Variants in PCDHGB2 observed in about 807,000 individuals in gnomAD.
PCDHGB2 encodes protocadherin gamma subfamily B, 2.
Under a neutral mutation model 59.3 loss-of-function variants are expected in PCDHGB2, and 55 were observed. That is an observed-to-expected ratio of 0.93 (90% CI 0.75 to 1.16). The LOEUF is 1.16. Ranked by LOEUF, PCDHGB2 falls within the 50% of genes most tolerant of loss-of-function variation. The pLI, the probability that PCDHGB2 is intolerant of heterozygous loss-of-function variation, is 0.00. For synonymous variants in PCDHGB2, 516 were observed against 512.0 expected (o/e 1.01, Z -0.11); for missense variants, 1,228 against 1,198.5 (o/e 1.02, Z -0.36).
chr5:141,363,969 G>T (rs1161441825), intron 1 of PCDHGB2, among the ~76,000 whole-genome samples: 14 of 152,250 alleles, frequency 9.2e-5, no homozygotes, highest in East Asian at 1.9e-4. Context: ...TGGAAGTCTT[G>T]CTATTCAGAA....
rs768812729 is a variant in PCDHGB2, at chr5:141,491,543, A to T, written c.2422-3264A>T. 2.5e-6 allele frequency: 4 copies of T among 1,613,842 alleles called. No individual in the cohort carries two copies. The highest frequency in any genetic ancestry group is 3.4e-6 in the Non-Finnish European group (4 of 1,179,982). The stretch of plus-strand genomic sequence containing the variant: ...ATGGAGGTGACGCTGCGGCCCACAG[A>T]CTCGCAGAGCCACTGCTACAGGACG... On this transcript the variant is annotated intron_variant, in intron 1 of 3. Transcript: ENST00000522605. This position sits in a 1 kb window ranked among gnomAD's most constrained non-coding sequence, Gnocchi z 6.9.
At chr5:141,433,401 A>ATCTATCTATCTC (rs1444244130) in intron 1 of PCDHGB2, among the ~76,000 whole-genome samples, 15 of 150,598 alleles carry the variant, frequency 1.0e-4, no homozygotes, top group African/African-American at 3.4e-4. Flanking sequence ...CTATCTATCT[A>ATCTATCTATCTC]TCTATTACTT....
At chr5:141,395,034 G>A (rs772873954) in intron 1 of PCDHGB2, 21 of 1,614,032 alleles carry the variant, frequency 1.3e-5, no homozygotes, top group African/African-American at 5.3e-5. Context: ...CTCACATTTT[G>A]TGGGTGTTGA....
At chr5:141,374,731 T>G in intron 1 of PCDHGB2, 1 of 1,610,684 alleles carries the variant, frequency 6.2e-7, no homozygotes, top group Non-Finnish European at 8.5e-7. Flanking sequence ...CTGCCATGGA[T>G]GGCGGCGACC....
chr5:141,427,905 A>G (rs754321006), intron 1 of PCDHGB2: 1 of 1,574,682 alleles, frequency 6.4e-7, no homozygotes, highest in South Asian at 1.1e-5. Context: ...GCCCGCGCTC[A>G]GCGCCAACAT....
Position 141,486,058 on chromosome 5 carries a change from G to A in PCDHGB2, c.2422-8749G>A. On this transcript the variant is annotated intron_variant, in intron 1 of 3. Transcript: ENST00000522605. The surrounding 1 kb of genome is among the most constrained non-coding windows in gnomAD (Gnocchi z 5.0). The stretch of plus-strand genomic sequence containing the variant: ...ATCGTGTAAGAAACCTCTTTAGCCT[G>A]CACCCCACTACTGGAAAGCTTACTC... The A allele has an allele frequency of 6.2e-7, 1 of 1,614,122 alleles. No homozygotes were observed. The highest frequency in any genetic ancestry group is 8.5e-7 in the Non-Finnish European group (1 of 1,180,012).
intron 1 of PCDHGB2, among the ~76,000 whole-genome samples, chr5:141,492,574 G>T (rs2099742096): frequency 6.6e-6 from 1 of 152,232 alleles, no homozygotes; most frequent in Non-Finnish European, 1.5e-5. Flanking sequence ...TGAGCGAGGC[G>T]CGGGGCCAGG....
chr5:141,432,586 C>G lies in PCDHGB2; in HGVS notation c.2422-62221C>G. 6.2e-7 allele frequency: 1 copy of G among 1,613,852 alleles called. No homozygotes were observed. The highest frequency in any genetic ancestry group is 8.5e-7 in the Non-Finnish European group (1 of 1,179,972). On this transcript the variant is annotated intron_variant, in intron 1 of 3. Transcript: ENST00000522605. The surrounding 1 kb of genome is among the most constrained non-coding windows in gnomAD (Gnocchi z 6.0). ...ACGCCTGGCTGTCCTACCGTCTGCT[C>G]AAGGCCAGCGAGCCGGGACTCTTCT...
intron 1 of PCDHGB2, among the ~76,000 whole-genome samples, chr5:141,469,189 T>C (rs1393685141): frequency 2.6e-5 from 4 of 151,710 alleles, no homozygotes; most frequent in African/African-American, 9.7e-5. Flanking sequence ...GGCAAGAGGA[T>C]TGCTTGAGCC....
chr5:141,369,471 A>T (rs1182179165), intron 1 of PCDHGB2, among the ~76,000 whole-genome samples: 1 of 152,168 alleles, frequency 6.6e-6, no homozygotes, highest in South Asian at 2.1e-4. Context: ...GTTCTAGCCC[A>T]GCCTGGGCAA....
chr5:141,378,119 G>A (rs1412148490), intron 1 of PCDHGB2: 1 of 152,132 alleles, frequency 6.6e-6, no homozygotes, highest in East Asian at 1.9e-4. Context: ...TAGTGAACAC[G>A]TATTTGTTGA....
chr5:141,440,902 G>C (rs138147244), intron 1 of PCDHGB2: 1 of 152,110 alleles, frequency 6.6e-6, no homozygotes, highest in Admixed American at 6.6e-5. Context: ...ATGTGCATCC[G>C]GGCACTCCTG....
chr5:141,381,925 G>A (rs1777765051), intron 1 of PCDHGB2, among the ~76,000 whole-genome samples: 1 of 145,664 alleles, frequency 6.9e-6, no homozygotes, highest in Non-Finnish European at 1.5e-5. Flanking sequence ...CACCTCCCGG[G>A]TTCAAGCGAT....
rs532318617 is a variant in PCDHGB2, at chr5:141,384,539, C to T, written c.2421+21983C>T. On this transcript the variant is annotated intron_variant, in intron 1 of 3. Coordinates refer to ENST00000522605, the MANE Select transcript of PCDHGB2 (RefSeq NM_018923.3). ...GACCCGCCTCTCAGCAGCAACATGT[C>T]ACTGAGCCTGTTCGTGCTGGACCAG... 44 of 1,614,240 alleles carry T rather than the reference C, an allele frequency of 2.7e-5. No homozygotes were observed. The South Asian group carries it at 4.1e-4, about 15-fold the overall frequency.
At chr5:141,444,152 A>ATTTTT (rs747671382) in intron 1 of PCDHGB2, among the ~76,000 whole-genome samples, 10 of 33,898 alleles carry the variant, frequency 3.0e-4, no homozygotes, top group Middle Eastern at 0.019. Context: ...TGTGTACTGG[A>ATTTTT]TTTTTTTTTT....
chr5:141,426,691 G>A, intron 1 of PCDHGB2: 1 of 435,886 alleles, frequency 2.3e-6, no homozygotes, highest in South Asian at 1.6e-5. Context: ...CCCCAAAATA[G>A]CATTGTTTTA....
At chr5:141,457,111 G>T (rs922281700) in intron 1 of PCDHGB2, among the ~76,000 whole-genome samples, 1 of 152,120 alleles carries the variant, frequency 6.6e-6, no homozygotes, top group African/African-American at 2.4e-5. Context: ...AGCAAAATAC[G>T]ACAGCAATGG....
rs373558342 is a variant in PCDHGB2 at position 141,374,559 on chromosome 5, A to C, written c.2421+12003A>C. 1.1e-4 allele frequency: 170 copies of C among 1,613,544 alleles called. No homozygotes were observed. The highest frequency in any genetic ancestry group is 1.3e-4 in the Non-Finnish European group (153 of 1,179,694). ...CGTTTTCCACTAATGGAGGTCTATG[A>C]CCCTGATGTGGGAATGAACTCCCTT... is the stretch of plus-strand genomic sequence containing the variant. On this transcript the variant is annotated intron_variant, in intron 1 of 3. Coordinates refer to ENST00000522605, the MANE Select transcript of PCDHGB2 (RefSeq NM_018923.3).
At chr5:141,448,822 G>A (rs924937891) in intron 1 of PCDHGB2, among the ~76,000 whole-genome samples, 4 of 152,048 alleles carry the variant, frequency 2.6e-5, no homozygotes, top group African/African-American at 9.7e-5. Context: ...GCGGGCGCCT[G>A]TAGTCCCAGC....
Sources: gnomAD v4.1 joint callset for allele counts (sites outside exome capture counted in the v4.1 genomes callset) on GRCh38, gnomAD v4.1.1 for gene constraint, Gnocchi (gnomAD v3.1) non-coding constraint, MANE v1.5 for transcripts, NCBI Gene and HGNC (gene_info 2026-07-23, HGNC 2026-07-21) for gene names.